Variants in KSR1 observed in about 807,000 individuals in gnomAD.
KSR1 encodes kinase suppressor of ras 1.
A neutral mutation model predicts 92.9 loss-of-function variants in KSR1; 35 were observed. That is an observed-to-expected ratio of 0.38 (90% CI 0.29 to 0.50). The LOEUF (loss-of-function observed/expected upper bound fraction) is 0.50, where lower values mean the gene tolerates loss of function less well. Among genes scored for constraint, KSR1 ranks in the 20% least tolerant of loss-of-function variants. KSR1 has a pLI of 0.94. For synonymous variants in KSR1, 467 were observed against 472.6 expected (o/e 0.99, Z 0.15); for missense variants, 972 against 1,158.5 (o/e 0.84, Z 2.34).
intron 5 of KSR1, among the ~76,000 whole-genome samples, chr17:27,586,442 A>G (rs1195475361): frequency 1.3e-5 from 2 of 152,084 alleles, no homozygotes; most frequent in East Asian, 3.9e-4. Flanking sequence ...GGTCTTGGGG[A>G]TGAGGAGGGG....
At position 27,557,132 on chromosome 17, in the gene KSR1, G is replaced by A. The variant is rs1311292389; in HGVS notation, c.372+6424G>A. ...CCAGAAACCTGGCCCAGGGGGTGGG[G>A]ATAGGTCCTTGGGGATTTCTGTGGG... is the stretch of plus-strand genomic sequence containing the variant. On this transcript the variant is annotated intron_variant, in intron 2 of 20. Transcript: ENST00000644974. Among the ~76,000 whole-genome samples the A allele has an allele frequency of 2.6e-5, 4 of 152,312 alleles. No homozygotes were observed. The South Asian group carries it at 6.2e-4, about 24-fold the overall frequency.
Position 27,615,872 on chromosome 17 carries a change from G to T in KSR1, c.2494-1423G>T, listed in dbSNP as rs189073472. On this transcript the variant is annotated intron_variant, in intron 18 of 20. Coordinates refer to ENST00000644974, the MANE Select transcript of KSR1 (RefSeq NM_001394583.1). The stretch of plus-strand genomic sequence containing the variant: ...TAGTTATTATTTCATCCTCATATCA[G>T]GAGTAGAATTCCAGATTCATAATAA... 2.0e-5 allele frequency among the ~76,000 whole-genome samples: 3 copies of T among 152,270 alleles called. 1 individual carries two copies. Among genetic ancestry groups the T allele is most frequent in the Admixed American group, 2.0e-4 (3 of 15,306 alleles).
In KSR1 at chr17:27,625,548, G is replaced by A. The variant is rs911517968; in HGVS notation, c.*2156G>A. 1 of 152,346 alleles carries A rather than the reference G, an allele frequency of 6.6e-6. No homozygotes were observed. The highest frequency in any genetic ancestry group is 2.1e-4 in the South Asian group (1 of 4,824). The allele number at this position is 152,346 out of a possible 1,614,324, so 9.4% of individuals were successfully genotyped here. Reference sequence around the variant, plus strand: ...GCCCCAAAGGTGGAACTGAAGGACTGGGGGCAGCTGGCTCTCAGCCTGCCA... The same window carrying A: ...GCCCCAAAGGTGGAACTGAAGGACTAGGGGCAGCTGGCTCTCAGCCTGCCA... On this transcript the variant is annotated 3_prime_UTR_variant, in exon 21 of 21. Coordinates refer to ENST00000644974, the MANE Select transcript of KSR1 (RefSeq NM_001394583.1).
intron 1 of KSR1, among the ~76,000 whole-genome samples, chr17:27,547,422 T>A (rs2071218975): frequency 6.6e-6 from 1 of 152,218 alleles, no homozygotes; most frequent in African/African-American, 2.4e-5. Flanking sequence ...TCCACTTGAT[T>A]GTAGGCAATG....
At chr17:27,530,120 T>A (rs1473991612) in intron 1 of KSR1, among the ~76,000 whole-genome samples, 1 of 152,192 alleles carries the variant, frequency 6.6e-6, no homozygotes, top group Non-Finnish European at 1.5e-5. Context: ...GCTCTCTTCC[T>A]TTCCGCATCT....
chr17:27,569,071 A>G (rs565169173), intron 2 of KSR1, among the ~76,000 whole-genome samples: 1 of 152,326 alleles, frequency 6.6e-6, no homozygotes, highest in Non-Finnish European at 1.5e-5. Context: ...AAAAAATTTA[A>G]TGTATTCATT....
intron 1 of KSR1, among the ~76,000 whole-genome samples, chr17:27,548,297 A>G (rs1598000160): frequency 6.6e-6 from 1 of 152,204 alleles, no homozygotes; most frequent in East Asian, 1.9e-4. Context: ...GAAAGAGATC[A>G]TGGGCCTCCC....
Position 27,595,656 on chromosome 17 carries a change from G to A in KSR1, c.1300-1612G>A, listed in dbSNP as rs896153517. On this transcript the variant is annotated intron_variant, in intron 9 of 20. Coordinates refer to ENST00000644974, the MANE Select transcript of KSR1 (RefSeq NM_001394583.1). Reference sequence around the variant, plus strand: ...CTTCACCCCCCTTTTCTCATTTCTAGTGCAGCAGCCCTCCCTTCCCAGGGC... The same window carrying A: ...CTTCACCCCCCTTTTCTCATTTCTAATGCAGCAGCCCTCCCTTCCCAGGGC... Among the ~76,000 whole-genome samples, 37 of 125,850 alleles carry A rather than the reference G, an allele frequency of 2.9e-4. No homozygotes were observed. The Admixed American group carries it at 3.8e-3, about 13-fold the overall frequency. 82.6% of individuals were successfully genotyped at this position (125,850 alleles called of 152,430 possible). A position where few individuals can be genotyped will look rare whatever the true frequency, so the allele number is the denominator to read the frequency against.
chr17:27,583,670 G>A (rs1356907954), intron 4 of KSR1, among the ~76,000 whole-genome samples: 3 of 152,228 alleles, frequency 2.0e-5, no homozygotes, highest in Non-Finnish European at 4.4e-5. Context: ...ACTAGTGACT[G>A]TCAGATACCA....
chr17:27,492,712 C>G (rs1035902289), intron 1 of KSR1, among the ~76,000 whole-genome samples: 1 of 152,150 alleles, frequency 6.6e-6, no homozygotes, highest in African/African-American at 2.4e-5. Context: ...ATGCTGGCCA[C>G]CAAGCAGACC....
Position 27,582,991 on chromosome 17 carries a change from C to A in KSR1, c.866C>A (p.Pro289His). The change falls in exon 4 of 21, where the codon CCC becomes CAC. Residue 289 changes from proline to histidine, a missense_variant. Coordinates refer to ENST00000644974, the MANE Select transcript of KSR1 (RefSeq NM_001394583.1). Reference protein sequence around the residue: ...RHTKLKPPRTPPPPSRKVFQL... With the variant: ...RHTKLKPPRTHPPPSRKVFQL... ...ACCAAGCTGAAGCCACCACGGACGC[C>A]CCCCCCACCCAGCCGCAAGGTCTTC... The A allele has an allele frequency of 1.2e-6, 2 of 1,608,950 alleles. No individual in the cohort carries two copies. The highest frequency in any genetic ancestry group is 1.7e-6 in the Non-Finnish European group (2 of 1,177,684).
Position 27,592,506 on chromosome 17 carries a change from C to T in KSR1, c.1193-14C>T. ...CCTGTTCCCTGGTGATGGGTTTTCC[C>T]TCTTTTCAAACAGTAACTCGGCTTC... On this transcript the variant is annotated splice_polypyrimidine_tract_variant and intron_variant, in intron 8 of 20. Transcript: ENST00000644974. The T allele has an allele frequency of 4.3e-6, 7 of 1,613,760 alleles. No homozygotes were observed. Among genetic ancestry groups the T allele is most frequent in the Non-Finnish European group, 5.9e-6 (7 of 1,179,686 alleles).
intron 1 of KSR1, among the ~76,000 whole-genome samples, chr17:27,501,181 TTTA>T (rs1015097205): frequency 4.4e-4 from 67 of 152,170 alleles, no homozygotes; most frequent in African/African-American, 1.5e-3. Context: ...TGATGCAGTA[TTTA>T]GGCTTGTGGT....
At chr17:27,534,191 C>T (rs2070668007) in intron 1 of KSR1, among the ~76,000 whole-genome samples, 1 of 152,208 alleles carries the variant, frequency 6.6e-6, no homozygotes, top group Admixed American at 6.5e-5. Flanking sequence ...AAAGTAAGGG[C>T]CAGGAAAGCC....
intron 10 of KSR1, among the ~76,000 whole-genome samples, chr17:27,597,819 A>G (rs908092278): frequency 6.6e-6 from 1 of 152,306 alleles, no homozygotes; most frequent in Non-Finnish European, 1.5e-5. Context: ...CCAGCAACAC[A>G]GGGAGCTAGA....
chr17:27,563,655 C>T (rs1212083534), intron 2 of KSR1, among the ~76,000 whole-genome samples: 1 of 152,250 alleles, frequency 6.6e-6, no homozygotes, highest in Admixed American at 6.5e-5. Context: ...TATTCAGTAT[C>T]TGCCACCTTC....
intron 1 of KSR1, among the ~76,000 whole-genome samples, chr17:27,476,783 T>C (rs2068360657): frequency 7.0e-6 from 1 of 142,214 alleles, no homozygotes; most frequent in Admixed American, 7.6e-5. Flanking sequence ...GGCTCTCAGA[T>C]AGCACTGGGA....
chr17:27,623,719 G>C lies in KSR1; in HGVS notation c.*327G>C. The C allele has an allele frequency of 3.5e-6, 2 of 567,038 alleles. No individual in the cohort carries two copies. Among genetic ancestry groups the C allele is most frequent in the Non-Finnish European group, 3.1e-6 (1 of 327,108 alleles). 35.1% of individuals were successfully genotyped at this position (567,038 alleles called of 1,614,324 possible). Reference sequence around the variant, plus strand: ...ATGCACTGGCACTGACGGCCAGGATGGCGGAAATGGCCATCCCCTCTGAGG... The same window carrying C: ...ATGCACTGGCACTGACGGCCAGGATCGCGGAAATGGCCATCCCCTCTGAGG... On this transcript the variant is annotated 3_prime_UTR_variant, in exon 21 of 21. Coordinates refer to ENST00000644974, the MANE Select transcript of KSR1 (RefSeq NM_001394583.1).
intron 10 of KSR1, 119 bp from the exon 11 acceptor site, chr17:27,601,241 G>A (rs764006985): frequency 1.2e-6 from 1 of 830,936 alleles, no homozygotes; most frequent in South Asian, 1.6e-5. Context: ...TCCATCTGGG[G>A]TAGGGCTGTC....
Sources: gnomAD v4.1 joint callset for allele counts (sites outside exome capture counted in the v4.1 genomes callset) on GRCh38, gnomAD v4.1.1 for gene constraint, MANE v1.5 for transcripts, NCBI Gene and HGNC (gene_info 2026-07-23, HGNC 2026-07-21) for gene names.